The following ITGA11 variants were observed in gnomAD, a reference collection of about 807,000 sequenced individuals.
ITGA11 encodes the protein integrin subunit alpha 11.
Under a neutral mutation model 141.9 loss-of-function variants are expected in ITGA11, and 97 were observed. The ratio of observed to expected loss-of-function variants is 0.68; its 90% confidence interval spans 0.58 to 0.81. The LOEUF (loss-of-function observed/expected upper bound fraction) is 0.81. ITGA11 is among the 30% of genes least tolerant of loss of function. The pLI, the probability that ITGA11 is intolerant of heterozygous loss-of-function variation, is 0.00. For missense variants in ITGA11, 1,387 were observed against 1,559.2 expected, an observed-to-expected ratio of 0.89 and a Z score of 1.86; for synonymous variants, 658 against 624.6, an observed-to-expected ratio of 1.05 and a Z score of -0.80.
intron 1 of ITGA11, among the ~76,000 whole-genome samples, chr15:68,419,042 G>A (rs1180962979): frequency 1.3e-5 from 2 of 152,054 alleles, no homozygotes; most frequent in African/African-American, 4.8e-5. Flanking sequence ...AATTGTGGGG[G>A]CCCTTCCCTT....
chr15:68,339,404 C>T, intron 11 of ITGA11, 96 bp downstream of exon 11: 1 of 1,374,556 alleles, frequency 7.3e-7, no homozygotes. Flanking sequence ...ATATACACAG[C>T]AGGCCCCTCA....
Position 68,348,031 on chromosome 15 carries a change from GT to G in ITGA11, c.1131+798del, listed in dbSNP as rs2077171377. The stretch of plus-strand genomic sequence containing the variant: ...CGATACTGACAGATGCAGTCGGTAC[GT>G]TTTCCCACATGACAATCCTGGGCAG... On this transcript the variant is annotated intron_variant, in intron 10 of 29. Coordinates refer to ENST00000315757, the MANE Select transcript of ITGA11 (RefSeq NM_001004439.2). Among the ~76,000 whole-genome samples, 3 of 152,288 alleles carry G rather than the reference GT, an allele frequency of 2.0e-5. No homozygotes were observed. In the South Asian group the frequency reaches 6.2e-4, roughly 32 times the overall value.
At chr15:68,355,407 A>G (rs1895039770) in intron 7 of ITGA11, among the ~76,000 whole-genome samples, 1 of 152,142 alleles carries the variant, frequency 6.6e-6, no homozygotes, top group South Asian at 2.1e-4. Context: ...TAATCTTTTG[A>G]GCCTACGAAT....
Position 68,312,787 on chromosome 15 carries a change from T to G in ITGA11, c.2959A>C (p.Ser987Arg), listed in dbSNP as rs781603389. ...TCCAGCCTCACCCTGAAGATGCAGC[T>G]GAAGGGAGGCCCGATACCATCGTAT... The part of the protein sequence containing the change: ...ERYDGIGPPF[S>R]CIFRIQNLGL... The change falls in exon 24 of 30, where the codon AGC (serine) becomes CGC (arginine). Residue 987 changes from serine to arginine, a missense_variant. Physicochemically the swap from Ser to Arg is moderately radical, Grantham distance 110 (BLOSUM62 -1). Transcript: ENST00000315757. The G allele has an allele frequency of 6.2e-7, 1 of 1,613,274 alleles. No homozygotes were observed. Among genetic ancestry groups the G allele is most frequent in the South Asian group, 1.1e-5 (1 of 91,062 alleles).
intron 3 of ITGA11, chr15:68,365,119 GC>G: frequency 1.0e-6 from 1 of 983,294 alleles, no homozygotes; most frequent in Non-Finnish European, 1.2e-6. Context: ...TTCCCCGTGT[GC>G]CCCCAAGCAT....
At chr15:68,370,297 G>A (rs949203604) in intron 2 of ITGA11, among the ~76,000 whole-genome samples, 12 of 152,280 alleles carry the variant, frequency 7.9e-5, no homozygotes, top group South Asian at 2.1e-4. Context: ...TTCCTGGCCC[G>A]GCCAAGCCCC....
chr15:68,307,358 G>T lies in ITGA11; in HGVS notation c.3371C>A (p.Pro1124His). The change falls in exon 28 of 30, where the codon CCC becomes CAC. Residue 1124 changes from proline (P) to histidine (H), a missense_variant. Pro to His is a moderately conservative substitution (Grantham distance 77, BLOSUM62 -2). Transcript: ENST00000315757. This position sits in a 1 kb window ranked among gnomAD's most constrained non-coding sequence, Gnocchi z 6.1. ...HSPFIFREED[P>H]SRQIVFEISK... The stretch of plus-strand genomic sequence containing the variant: ...CTCCCAGGGGCTCACCTGGCGGCTG[G>T]GATCCTCCTCACGGAAGATGAAGGG... 6.4e-7 allele frequency: 1 copy of T among 1,555,104 alleles called. No individual in the cohort carries two copies. Among genetic ancestry groups the T allele is most frequent in the Non-Finnish European group, 8.7e-7 (1 of 1,148,544 alleles).
In ITGA11 at chr15:68,302,448, C is replaced by T. The variant is rs1385528644; in HGVS notation, c.*611G>A. ...GTCCCACTTGCCTGGCCATCAGTCT[C>T]CACATCTCAGAGTCTTTCTTCATCC... On this transcript the variant is annotated 3_prime_UTR_variant, in exon 30 of 30. Transcript: ENST00000315757. 6.6e-6 allele frequency: 1 copy of T among 152,594 alleles called. No homozygotes were observed. Among genetic ancestry groups the T allele is most frequent in the Non-Finnish European group, 1.5e-5 (1 of 68,290 alleles). 9.5% of individuals were successfully genotyped at this position (152,594 alleles called of 1,614,324 possible). A position where few individuals can be genotyped will look rare whatever the true frequency, so the allele number is the denominator to read the frequency against.
At position 68,302,954 on chromosome 15, in the gene ITGA11, G is replaced by A; in HGVS notation, c.*105C>T. ...GGAGATGAGGTCAAGTGCAAAGCCA[G>A]CTGGCTTCCTCTCCGCTCCAGCTCG... On this transcript the variant is annotated 3_prime_UTR_variant, in exon 30 of 30. Transcript: ENST00000315757. 1.1e-6 allele frequency: 1 copy of A among 883,172 alleles called. No homozygotes were observed. Among genetic ancestry groups the A allele is most frequent in the Non-Finnish European group, 1.7e-6 (1 of 571,950 alleles). 54.7% of individuals were successfully genotyped at this position (883,172 alleles called of 1,614,324 possible). A position where few individuals can be genotyped will look rare whatever the true frequency, so the allele number is the denominator to read the frequency against.
intron 2 of ITGA11, among the ~76,000 whole-genome samples, chr15:68,381,762 G>C (rs1026289655): frequency 2.0e-5 from 3 of 152,176 alleles, no homozygotes; most frequent in Non-Finnish European, 4.4e-5. Flanking sequence ...TGCCATGTTG[G>C]CCAGGCTGGT....
intron 10 of ITGA11, among the ~76,000 whole-genome samples, chr15:68,342,731 C>T (rs1292629101): frequency 6.6e-6 from 1 of 152,208 alleles, no homozygotes; most frequent in Non-Finnish European, 1.5e-5. Flanking sequence ...CAGGTTTGTG[C>T]CCTAGGTGAT....
At chr15:68,369,804 G>A (rs117391343) in intron 2 of ITGA11, among the ~76,000 whole-genome samples, 2,851 of 151,210 alleles carry the variant, frequency 0.019, 35 homozygotes, top group Non-Finnish European at 0.032. Flanking sequence ...GCCAGTGGGC[G>A]GAAGCTGCCA....
intron 2 of ITGA11, among the ~76,000 whole-genome samples, chr15:68,390,855 C>G (rs1396413099): frequency 6.6e-6 from 1 of 152,244 alleles, no homozygotes; most frequent in Non-Finnish European, 1.5e-5. Context: ...GGTTCTTCTT[C>G]CACGTGGCAG....
intron 7 of ITGA11, among the ~76,000 whole-genome samples, chr15:68,356,847 T>A (rs536158848): frequency 5.9e-4 from 90 of 152,280 alleles, no homozygotes; most frequent in South Asian, 1.2e-3. Flanking sequence ...TCAAGCCACA[T>A]GGCTACGTGT....
chr15:68,424,119 G>A (rs1405146156), intron 1 of ITGA11, among the ~76,000 whole-genome samples: 1 of 152,208 alleles, frequency 6.6e-6, no homozygotes, highest in Non-Finnish European at 1.5e-5. Context: ...CAGGGATCAA[G>A]TAGCTTATGC....
intron 7 of ITGA11, among the ~76,000 whole-genome samples, chr15:68,356,789 C>A (rs914641204): frequency 6.6e-6 from 1 of 152,152 alleles, no homozygotes; most frequent in Admixed American, 6.5e-5. Flanking sequence ...GGGATGCTCA[C>A]TCTTGGGACG....
At chr15:68,342,977 G>A (rs944150587) in intron 10 of ITGA11, among the ~76,000 whole-genome samples, 3 of 151,500 alleles carry the variant, frequency 2.0e-5, no homozygotes, top group Admixed American at 6.6e-5. Context: ...GCTTCTAGCT[G>A]TGTGACCCTG....
Position 68,328,862 on chromosome 15 carries a change from G to A in ITGA11, c.1902-600C>T, listed in dbSNP as rs1399666888. ...AAGAGCGAGGCGTTAAAGCACCCCA[G>A]GTGATTCCAACGTGCAGCCAGCATC... is the stretch of plus-strand genomic sequence containing the variant. On this transcript the variant is annotated intron_variant, in intron 15 of 29. Transcript: ENST00000315757. This position sits in a 1 kb window ranked among gnomAD's most constrained non-coding sequence, Gnocchi z 4.8. Among the ~76,000 whole-genome samples the A allele has an allele frequency of 6.6e-6, 1 of 152,176 alleles. No homozygotes were observed. Among genetic ancestry groups the A allele is most frequent in the Non-Finnish European group, 1.5e-5 (1 of 68,032 alleles).
At chr15:68,356,733 C>T (rs779242763) in intron 7 of ITGA11, among the ~76,000 whole-genome samples, 1 of 152,168 alleles carries the variant, frequency 6.6e-6, no homozygotes, top group Admixed American at 6.5e-5. Context: ...TCTGGGACTT[C>T]GAGACTAGGT....
Sources: allele counts gnomAD v4.1 joint callset (sites outside exome capture counted in the v4.1 genomes callset), GRCh38; gene constraint gnomAD v4.1.1; non-coding constraint Gnocchi (gnomAD v3.1); transcripts MANE v1.5; gene names NCBI Gene and HGNC (gene_info 2026-07-23, HGNC 2026-07-21).